NUAK1: variants seen among roughly 807,000 people sequenced by gnomAD.
NUAK1 encodes NUAK family kinase 1, also known as NUAK family SNF1-like kinase 1.
NUAK1 carries 26 observed loss-of-function variants against 56.9 expected under a neutral mutation model. The observed-to-expected ratio is 0.46, with a 90% confidence interval of 0.33 to 0.63. NUAK1 has a LOEUF of 0.63. Among genes scored for constraint, NUAK1 ranks in the 30% least tolerant of loss-of-function variants. The pLI is 0.02. For synonymous variants in NUAK1, 337 were observed against 336.0 expected (o/e 1.00, Z -0.03); for missense variants, 727 against 876.1 (o/e 0.83, Z 2.15).
At chr12:106,116,949 C>T (rs148695861) in intron 1 of NUAK1, among the ~76,000 whole-genome samples, 92 of 152,256 alleles carry the variant, frequency 6.0e-4, no homozygotes, top group African/African-American at 2.1e-3. Flanking sequence ...CCACAGCAAG[C>T]AATTGTGGAA....
In NUAK1 at chr12:106,066,747, G is replaced by T; in HGVS notation, c.*55C>A. The stretch of plus-strand genomic sequence containing the variant: ...AGAGGTAACCAGCCTGTGAGCCCAA[G>T]TCTTGCTCCCCTTCCTCCCTCGTAC... On this transcript the variant is annotated 3_prime_UTR_variant, in exon 7 of 7. Transcript: ENST00000261402. The T allele has an allele frequency of 7.1e-7, 1 of 1,399,460 alleles. No individual in the cohort carries two copies. Among genetic ancestry groups the T allele is most frequent in the Non-Finnish European group, 9.9e-7 (1 of 1,012,520 alleles). 86.7% of individuals were successfully genotyped at this position (1,399,460 alleles called of 1,614,324 possible).
At chr12:106,076,004 C>T (rs545506752) in intron 4 of NUAK1, among the ~76,000 whole-genome samples, 2 of 152,286 alleles carry the variant, frequency 1.3e-5, no homozygotes, top group African/African-American at 4.8e-5. Flanking sequence ...TTTAGGGCTT[C>T]TTTTTCAAAT....
At chr12:106,134,435 C>G (rs185610884) in intron 1 of NUAK1, among the ~76,000 whole-genome samples, 286 of 152,338 alleles carry the variant, frequency 1.9e-3, no homozygotes, top group African/African-American at 6.0e-3. Context: ...ATCACCCAAG[C>G]TAATGCTCTA....
In NUAK1 at chr12:106,067,725, G is replaced by A. The variant is rs1442683209; in HGVS notation, c.1063C>T (p.Pro355Ser). 1.2e-6 allele frequency: 2 copies of A among 1,614,206 alleles called. No homozygotes were observed. Among genetic ancestry groups the A allele is most frequent in the African/African-American group, 1.3e-5 (1 of 75,048 alleles). Residue 355 changes from proline (P) to serine (S), a missense_variant, in exon 7 of 7, where the codon CCC becomes TCC. Coordinates refer to ENST00000261402, the MANE Select transcript of NUAK1 (RefSeq NM_014840.3). The surrounding 1 kb of genome is among the most constrained non-coding windows in gnomAD (Gnocchi z 6.0). Reference protein sequence around the residue: ...TEAKMKGLAKPTTSEVMLERQ... With the variant: ...TEAKMKGLAKSTTSEVMLERQ... ...TCTAGCATGACCTCAGAGGTCGTGG[G>A]TTTGGCCAGGCCCTTCATTTTGGCT...
intron 3 of NUAK1, 115 bp downstream of exon 3, chr12:106,086,619 A>G: frequency 7.9e-6 from 8 of 1,017,314 alleles, no homozygotes; most frequent in Non-Finnish European, 9.0e-6. Context: ...TTTCTAGTTC[A>G]TAAATTCTCC....
chr12:106,120,583 T>C (rs144608649), intron 1 of NUAK1, among the ~76,000 whole-genome samples: 5,727 of 152,164 alleles, frequency 0.038, 120 homozygotes, highest in Middle Eastern at 0.082. Flanking sequence ...CCATCTCAGG[T>C]CACCCCACTA....
chr12:106,072,398 C>A (rs536234282), intron 5 of NUAK1, among the ~76,000 whole-genome samples: 513 of 152,248 alleles, frequency 3.4e-3, no homozygotes, highest in African/African-American at 0.012. Context: ...ATATGTATAT[C>A]TTGCCTTTTA....
intron 1 of NUAK1, among the ~76,000 whole-genome samples, chr12:106,134,484 A>G (rs2033109437): frequency 6.6e-6 from 1 of 152,184 alleles, no homozygotes; most frequent in South Asian, 2.1e-4. Context: ...GGGGAGGGGC[A>G]CACATTGCCC....
At chr12:106,126,098 C>T (rs1055336399) in intron 1 of NUAK1, among the ~76,000 whole-genome samples, 3 of 152,014 alleles carry the variant, frequency 2.0e-5, no homozygotes, top group Non-Finnish European at 4.4e-5. Context: ...TAATAAAATT[C>T]TGAGAGATTA....
At chr12:106,107,555 T>C (rs559206426) in intron 1 of NUAK1, among the ~76,000 whole-genome samples, 1 of 152,246 alleles carries the variant, frequency 6.6e-6, no homozygotes, top group Admixed American at 6.5e-5. Context: ...TAAACTTTCC[T>C]AGGGGAAAGG....
intron 2 of NUAK1, among the ~76,000 whole-genome samples, chr12:106,105,318 A>G (rs2136471315): frequency 6.6e-6 from 1 of 152,348 alleles, no homozygotes; most frequent in South Asian, 2.1e-4. Context: ...CAGTAAAACC[A>G]AAATTGGGAA....
chr12:106,138,465 T>G lies in NUAK1; in HGVS notation c.189A>C (p.Lys63Asn). The G allele has an allele frequency of 6.2e-7, 1 of 1,613,216 alleles. No individual in the cohort carries two copies. The highest frequency in any genetic ancestry group is 8.5e-7 in the Non-Finnish European group (1 of 1,179,738). Residue 63 changes from lysine to asparagine, a missense_variant, in exon 1 of 7, where the codon AAA becomes AAC. Coordinates refer to ENST00000261402, the MANE Select transcript of NUAK1 (RefSeq NM_014840.3). This position sits in a 1 kb window ranked among gnomAD's most constrained non-coding sequence, Gnocchi z 5.0. ...CCCGCTTGACTTTGCCGTAGGTGCC[T>G]TTGCCCAGGGTCTCCTGCAGCTCGT... Reference protein sequence around the residue: ...HRYELQETLGKGTYGKVKRAT... With the variant: ...HRYELQETLGNGTYGKVKRAT...
At chr12:106,098,595 C>T (rs1175670532) in intron 2 of NUAK1, among the ~76,000 whole-genome samples, 1 of 152,194 alleles carries the variant, frequency 6.6e-6, no homozygotes, top group Non-Finnish European at 1.5e-5. Context: ...GAGATGCAAT[C>T]TTGCATGGCC....
rs2033155600 is a variant in NUAK1, at chr12:106,138,745, T to C, written c.-92A>G. ...CCCACCGAGGGAAGCCGCTGTACGCTCAAGGTCGCCCCCGCAGCATCAGGG... is the reference window on the plus strand; with the variant it reads ...CCCACCGAGGGAAGCCGCTGTACGCCCAAGGTCGCCCCCGCAGCATCAGGG... On this transcript the variant is annotated 5_prime_UTR_variant, in exon 1 of 7. The change abolishes the stop of an existing upstream ORF in the 5' untranslated region. Transcript: ENST00000261402. This position sits in a 1 kb window ranked among gnomAD's most constrained non-coding sequence, Gnocchi z 5.0. The C allele has an allele frequency of 1.4e-6, 2 of 1,409,152 alleles. No individual in the cohort carries two copies. Among genetic ancestry groups the C allele is most frequent in the African/African-American group, 1.5e-5 (1 of 67,156 alleles). 87.3% of individuals were successfully genotyped at this position (1,409,152 alleles called of 1,614,324 possible). A position where few individuals can be genotyped will look rare whatever the true frequency, so the allele number is the denominator to read the frequency against.
intron 1 of NUAK1, among the ~76,000 whole-genome samples, chr12:106,107,439 T>C (rs2032813710): frequency 6.6e-6 from 1 of 152,146 alleles, no homozygotes; most frequent in African/African-American, 2.4e-5. Flanking sequence ...TATCCACGGG[T>C]AACAAAGAAG....
intron 2 of NUAK1, among the ~76,000 whole-genome samples, chr12:106,094,077 G>A (rs182081972): frequency 3.3e-3 from 503 of 151,940 alleles, no homozygotes; most frequent in African/African-American, 0.012. Flanking sequence ...CCAAAGTGCT[G>A]GGATTACAGG....
At chr12:106,081,050 G>A (rs2032513055) in intron 4 of NUAK1, among the ~76,000 whole-genome samples, 1 of 152,252 alleles carries the variant, frequency 6.6e-6, no homozygotes, top group Non-Finnish European at 1.5e-5. Context: ...TAAAACCTTG[G>A]AAGTGGATGG....
rs1376049537 is a variant in NUAK1, at chr12:106,065,328, TTAAGA to T, written c.*1469_*1473del. 1 of 152,302 alleles carries T rather than the reference TTAAGA, an allele frequency of 6.6e-6. No homozygotes were observed. The highest frequency in any genetic ancestry group is 6.5e-5 in the Admixed American group (1 of 15,302). The allele number at this position is 152,302 out of a possible 1,614,324, so 9.4% of individuals were successfully genotyped here. ...TGTTTTGTTTTGTTTTGTTTACTTT[TTAAGA>T]TAAGAGTCCTGCCGCACCTCTTTTC... On this transcript the variant is annotated 3_prime_UTR_variant, in exon 7 of 7. Transcript: ENST00000261402.
At chr12:106,075,286 A>AACACACACACACACACACAC (rs370123170) in intron 4 of NUAK1, among the ~76,000 whole-genome samples, 41 of 134,002 alleles carry the variant, frequency 3.1e-4, no homozygotes, top group East Asian at 2.4e-3. Context: ...AGTATTAATC[A>AACACACACACACACACACAC]ACACACACAC....
Sources: allele counts gnomAD v4.1 joint callset (sites outside exome capture counted in the v4.1 genomes callset), GRCh38; gene constraint gnomAD v4.1.1; non-coding constraint Gnocchi (gnomAD v3.1); transcripts MANE v1.5; gene names NCBI Gene and HGNC (gene_info 2026-07-23, HGNC 2026-07-21).